The following RYR2 variants were observed in gnomAD, a reference collection of about 807,000 sequenced individuals.
RYR2 encodes ryanodine receptor 2, also known as cardiac muscle ryanodine receptor-calcium release channel.
A neutral mutation model predicts 601.1 loss-of-function variants in RYR2; 227 were observed. The observed-to-expected ratio is 0.38, with a 90% CI of 0.34 to 0.42. RYR2 has a LOEUF of 0.42. RYR2 is among the 10% of genes least tolerant of loss of function. The pLI is 1.00. For missense variants in RYR2, 4,646 were observed against 6,156.5 expected (o/e 0.75, Z 8.21); for synonymous variants, 2,223 against 2,175.1 (o/e 1.02, Z -0.61).
intron 63 of RYR2, among the ~76,000 whole-genome samples, chr1:237,689,962 A>G (rs938244055): frequency 6.6e-6 from 1 of 151,592 alleles, no homozygotes; most frequent in African/African-American, 2.4e-5. Flanking sequence ...TTCCTGCCTC[A>G]GCCTCCCAAG....
chr1:237,450,500 C>T (rs1052766943), intron 14 of RYR2, among the ~76,000 whole-genome samples: 1 of 151,372 alleles, frequency 6.6e-6, no homozygotes, highest in Non-Finnish European at 1.5e-5. Context: ...TGAAAGTTTT[C>T]GTGTTTGTTT....
chr1:237,797,447 T>C (rs1221415985), intron 96 of RYR2, among the ~76,000 whole-genome samples: 1 of 152,080 alleles, frequency 6.6e-6, no homozygotes, highest in East Asian at 1.9e-4. Context: ...GCCAGAGAGT[T>C]GAAGGGTTGA....
chr1:237,514,386 G>GT (rs1472337230), intron 24 of RYR2, among the ~76,000 whole-genome samples: 29 of 152,150 alleles, frequency 1.9e-4, no homozygotes, highest in African/African-American at 6.8e-4. Flanking sequence ...TTAATCTTCA[G>GT]ACTGCACGTA....
chr1:237,375,632 T>C (rs1457305334), intron 7 of RYR2, among the ~76,000 whole-genome samples: 2 of 152,214 alleles, frequency 1.3e-5, no homozygotes, highest in Admixed American at 1.3e-4. Flanking sequence ...CATAAACTTT[T>C]TAATAGACCA....
rs575899061 is a variant in RYR2, at chr1:237,548,434, C to T, written c.2910C>T (p.Tyr970=). Residue 970 remains tyrosine, a synonymous_variant, in exon 26 of 105, where the codon TAC becomes TAT. Coordinates refer to ENST00000366574, the MANE Select transcript of RYR2 (RefSeq NM_001035.3). ...KVKKMKLPKN[Y]QLTSGYKPAP... is the part of the protein sequence containing the mutation. The stretch of plus-strand genomic sequence containing the variant: ...TTTCTTTGTCTCTGATTTGTAGTTA[C>T]CAGCTGACAAGTGGATACAAGCCTG... The T allele has an allele frequency of 9.7e-5, 156 of 1,613,292 alleles. 3 individuals carry two copies. The South Asian group carries it at 1.6e-3, about 16-fold the overall frequency.
Position 237,802,723 on chromosome 1 carries a change from A to G in RYR2, c.14151+807A>G, listed in dbSNP as rs188203473. On this transcript the variant is annotated intron_variant, in intron 98 of 104. Transcript: ENST00000366574. ...AACCTCAGCTTTGGCTCTAGTTGGC[A>G]TTTTCCACTGAAGTGGCCAGTCCAT... Among the ~76,000 whole-genome samples the G allele has an allele frequency of 4.1e-3, 628 of 152,324 alleles. 3 individuals carry two copies. The highest frequency in any genetic ancestry group is 0.01 in the Middle Eastern group (3 of 294).
intron 3 of RYR2, among the ~76,000 whole-genome samples, chr1:237,334,443 AT>A (rs1283511355): frequency 2.3e-5 from 3 of 132,066 alleles, no homozygotes; most frequent in African/African-American, 1.1e-4. Context: ...TAATTAAAAT[AT>A]ATATATATAT....
chr1:237,737,347 A>G (rs917913143), intron 79 of RYR2, among the ~76,000 whole-genome samples: 1 of 152,198 alleles, frequency 6.6e-6, no homozygotes, highest in Non-Finnish European at 1.5e-5. Flanking sequence ...GCAGTTTGTT[A>G]CACTCGGCAC....
chr1:237,742,433 C>T, intron 80 of RYR2, 84 bp downstream of exon 80: 1 of 1,026,410 alleles, frequency 9.7e-7, no homozygotes, highest in Non-Finnish European at 1.5e-6. Flanking sequence ...ATGTTTCTTG[C>T]TTCATGGCTT....
intron 2 of RYR2, among the ~76,000 whole-genome samples, chr1:237,292,144 C>A (rs554449994): frequency 1.3e-5 from 2 of 152,178 alleles, no homozygotes; most frequent in South Asian, 4.2e-4. Context: ...CCTAAATGTT[C>A]GGCAGTAGAG....
chr1:237,824,300 C>A (rs9428694), intron 101 of RYR2, among the ~76,000 whole-genome samples: 27,601 of 152,076 alleles, frequency 0.18, 3,245 homozygotes, highest in East Asian at 0.56. Context: ...CAAACCAAAT[C>A]CAGCAGCACC....
chr1:237,361,589 G>A (rs1167720250), intron 4 of RYR2, among the ~76,000 whole-genome samples: 1 of 152,136 alleles, frequency 6.6e-6, no homozygotes, highest in African/African-American at 2.4e-5. Context: ...ATGGTGCTTT[G>A]TCACTAAATC....
Position 237,674,782 on chromosome 1 carries a change from C to A in RYR2, c.8766C>A (p.Ala2922=). 6.2e-7 allele frequency: 1 copy of A among 1,612,612 alleles called. No homozygotes were observed. Among genetic ancestry groups the A allele is most frequent in the Non-Finnish European group, 8.5e-7 (1 of 1,178,930 alleles). ...LDTPSIEKRF[A]YSFLQQLIRY... is the part of the protein sequence containing the mutation. ...CGCCTTCTATTGAGAAACGATTTGC[C>A]TATAGTTTCCTCCAACAACTCATTC... The change falls in exon 60 of 105, where the codon GCC becomes GCA. Residue 2922 remains alanine (A), a synonymous_variant. Transcript: ENST00000366574.
chr1:237,648,474 C>T lies in RYR2; in HGVS notation c.7373C>T (p.Ala2458Val), dbSNP rs768478443. The T allele has an allele frequency of 1.3e-5, 21 of 1,609,286 alleles. No homozygotes were observed. The highest frequency in any genetic ancestry group is 2.7e-5 in the African/African-American group (2 of 74,820). ...AATGTGGTGGAACCTGACATGTCTG[C>T]GGGGTTTTGCCCAGATCACAAGGCA... Reference protein sequence around the residue: ...DGNVVEPDMSAGFCPDHKAAM... With the variant: ...DGNVVEPDMSVGFCPDHKAAM... Residue 2458 changes from alanine (A) to valine (V), a missense_variant, in exon 49 of 105, where the codon GCG (alanine) becomes GTG (valine). Transcript: ENST00000366574.
At chr1:237,737,417 C>T (rs543042230) in intron 79 of RYR2, among the ~76,000 whole-genome samples, 139 of 152,302 alleles carry the variant, frequency 9.1e-4, no homozygotes, top group Non-Finnish European at 1.6e-3. Context: ...ATTCCAGTTA[C>T]GACCTCACCT....
intron 29 of RYR2, among the ~76,000 whole-genome samples, chr1:237,588,230 C>T (rs975157081): frequency 1.3e-5 from 2 of 152,060 alleles, no homozygotes; most frequent in African/African-American, 2.4e-5. Context: ...TGTTATACAG[C>T]TATTCATATG....
At chr1:237,428,939 A>G (rs1706494798) in intron 12 of RYR2, among the ~76,000 whole-genome samples, 1 of 151,974 alleles carries the variant, frequency 6.6e-6, no homozygotes, top group Non-Finnish European at 1.5e-5. Context: ...ACGCACACAC[A>G]CCACACACCT....
At chr1:237,119,583 C>G (rs185530737) in intron 1 of RYR2, among the ~76,000 whole-genome samples, 26 of 152,240 alleles carry the variant, frequency 1.7e-4, no homozygotes, top group African/African-American at 5.8e-4. Flanking sequence ...TCCATCTCTC[C>G]TACGATGGCC....
At chr1:237,733,119 A>G (rs1690834834) in intron 78 of RYR2, among the ~76,000 whole-genome samples, 1 of 152,190 alleles carries the variant, frequency 6.6e-6, no homozygotes, top group South Asian at 2.1e-4. Flanking sequence ...ATTTCTCATA[A>G]GTGAATTTTT....
Sources: allele counts gnomAD v4.1 joint callset (sites outside exome capture counted in the v4.1 genomes callset), GRCh38; gene constraint gnomAD v4.1.1; transcripts MANE v1.5; gene names NCBI Gene and HGNC (gene_info 2026-07-23, HGNC 2026-07-21).